KHDRBS2: variants seen among roughly 807,000 people sequenced by gnomAD.
KHDRBS2 encodes the protein KH RNA binding domain containing, signal transduction associated 2.
In KHDRBS2, 26 loss-of-function variants were observed where a neutral mutation model predicts 44.3. The ratio of observed to expected loss-of-function variants is 0.59; its 90% CI spans 0.43 to 0.81. The LOEUF (loss-of-function observed/expected upper bound fraction) is 0.81, where lower values mean the gene tolerates loss of function less well. Among genes scored for constraint, KHDRBS2 ranks in the 40% least tolerant of loss-of-function variants. The pLI is 0.00. For synonymous variants in KHDRBS2, 194 were observed against 151.1 expected (o/e 1.28, Z -2.08); for missense variants, 476 against 433.1 (o/e 1.10, Z -0.88).
chr6:61,992,582 G>A (rs1407492259), intron 3 of KHDRBS2, among the ~76,000 whole-genome samples: 1 of 152,108 alleles, frequency 6.6e-6, no homozygotes, highest in Non-Finnish European at 1.5e-5. Flanking sequence ...ATGTTTTTCT[G>A]TAGGGGTCTG....
chr6:61,970,339 A>C (rs1216033242), intron 4 of KHDRBS2, among the ~76,000 whole-genome samples: 2 of 152,020 alleles, frequency 1.3e-5, no homozygotes, highest in Admixed American at 6.6e-5. Context: ...GACTCTTTCA[A>C]ATGCATTTAA....
chr6:61,590,169 C>T, the KHDRBS2 span, among the ~76,000 whole-genome samples: 13 of 152,162 alleles, frequency 8.5e-5, no homozygotes, highest in Non-Finnish European at 1.5e-4. Flanking sequence ...CAACAGGCCT[C>T]GGGGACTGGG....
intron 3 of KHDRBS2, among the ~76,000 whole-genome samples, chr6:61,988,876 G>A (rs1412618885): frequency 6.6e-6 from 1 of 152,086 alleles, no homozygotes; most frequent in Non-Finnish European, 1.5e-5. Flanking sequence ...TCATAAAGAG[G>A]AAAAGCAGAA....
chr6:61,871,076 G>C (rs1203635237), intron 6 of KHDRBS2, among the ~76,000 whole-genome samples: 1 of 152,204 alleles, frequency 6.6e-6, no homozygotes, highest in South Asian at 2.1e-4. Flanking sequence ...AAAGGAGCAT[G>C]TTCTAACCCA....
intron 6 of KHDRBS2, among the ~76,000 whole-genome samples, chr6:61,734,701 T>A (rs932309753): frequency 6.6e-6 from 1 of 152,162 alleles, no homozygotes; most frequent in African/African-American, 2.4e-5. Flanking sequence ...CTCATACACC[T>A]TTTCCTTTCT....
intron 4 of KHDRBS2, among the ~76,000 whole-genome samples, chr6:61,942,057 CTCAA>C (rs1812241763): frequency 1.3e-5 from 2 of 151,894 alleles, no homozygotes; most frequent in Admixed American, 6.6e-5. Flanking sequence ...AACTCCTGGG[CTCAA>C]TCAATCCTTC....
chr6:61,949,697 G>C (rs958574132), intron 4 of KHDRBS2, among the ~76,000 whole-genome samples: 1 of 151,848 alleles, frequency 6.6e-6, no homozygotes, highest in East Asian at 1.9e-4. Flanking sequence ...TATGTTTATA[G>C]ATAGTATTGT....
At chr6:62,013,882 T>G (rs1479370598) in intron 3 of KHDRBS2, among the ~76,000 whole-genome samples, 1 of 152,160 alleles carries the variant, frequency 6.6e-6, no homozygotes, top group African/African-American at 2.4e-5. Context: ...ACGGTTTAAA[T>G]AGCAGAATTA....
chr6:61,944,433 A>G (rs1260451595), intron 4 of KHDRBS2, among the ~76,000 whole-genome samples: 1 of 151,908 alleles, frequency 6.6e-6, no homozygotes, highest in Non-Finnish European at 1.5e-5. Context: ...TTGCATGCAT[A>G]TGTGCAAGGT....
At chr6:62,145,946 A>AC (rs888595156) in intron 2 of KHDRBS2, among the ~76,000 whole-genome samples, 1 of 151,786 alleles carries the variant, frequency 6.6e-6, no homozygotes, top group East Asian at 1.9e-4. Context: ...CTTGAGTCCC[A>AC]CCCCCAAGAT....
chr6:61,732,654 A>C (rs1219030093), intron 7 of KHDRBS2, 28 bp downstream of exon 7: 1 of 1,312,468 alleles, frequency 7.6e-7, no homozygotes, highest in East Asian at 2.3e-5. Context: ...AATCCTGAGA[A>C]GGCTGCTTTA....
intron 2 of KHDRBS2, among the ~76,000 whole-genome samples, chr6:62,126,091 C>T (rs1236698855): frequency 6.6e-6 from 1 of 152,110 alleles, no homozygotes; most frequent in African/African-American, 2.4e-5. Context: ...TCTGAACGTG[C>T]CCTGGGCCAG....
chr6:61,848,528 TATAC>T (rs1562294642), intron 6 of KHDRBS2, among the ~76,000 whole-genome samples: 5,624 of 53,006 alleles, frequency 0.11, 664 homozygotes, highest in African/African-American at 0.17. Context: ...TGTATATATA[TATAC>T]ATATATATGT....
At chr6:61,655,549 T>C in the KHDRBS2 span, among the ~76,000 whole-genome samples, 3,736 of 152,188 alleles carry the variant, frequency 0.025, 70 homozygotes, top group Middle Eastern at 0.075. Context: ...GCCAATGTGC[T>C]TTGCCTAAAT....
intron 3 of KHDRBS2, among the ~76,000 whole-genome samples, chr6:62,009,942 C>T (rs966742987): frequency 2.0e-5 from 3 of 152,104 alleles, no homozygotes; most frequent in African/African-American, 7.2e-5. Flanking sequence ...GGGGTTGGAG[C>T]CCCCATACAG....
At chr6:61,703,850 T>G (rs57994819) in intron 7 of KHDRBS2, among the ~76,000 whole-genome samples, 4,787 of 151,908 alleles carry the variant, frequency 0.032, 251 homozygotes, top group African/African-American at 0.11. Flanking sequence ...ACTCCACAAC[T>G]TCCATCCACA....
chr6:62,112,931 C>T (rs190255115), intron 2 of KHDRBS2, among the ~76,000 whole-genome samples: 1 of 152,228 alleles, frequency 6.6e-6, no homozygotes, highest in African/African-American at 2.4e-5. Flanking sequence ...TGTGTTGGCT[C>T]TCTCTTCATC....
At chr6:61,589,072 T>C in the KHDRBS2 span, among the ~76,000 whole-genome samples, 1 of 147,156 alleles carries the variant, frequency 6.8e-6, no homozygotes, top group Non-Finnish European at 1.5e-5. Flanking sequence ...TGTCAGGGGG[T>C]GGGGGTAGGG....
chr6:61,610,569 C>A, the KHDRBS2 span, among the ~76,000 whole-genome samples: 1 of 152,142 alleles, frequency 6.6e-6, no homozygotes. Context: ...ATGGCGCACA[C>A]ACTTGTTGGC....
Sources: allele counts gnomAD v4.1 joint callset (sites outside exome capture counted in the v4.1 genomes callset), GRCh38; gene constraint gnomAD v4.1.1; transcripts MANE v1.5; gene names NCBI Gene and HGNC (gene_info 2026-07-23, HGNC 2026-07-21).